Variants in A2M observed in about 807,000 individuals in gnomAD.
A2M encodes the protein C3 and PZP-like alpha-2-macroglobulin domain-containing protein 5.
A neutral mutation model predicts 183.9 loss-of-function variants in A2M; 128 were observed. The observed-to-expected ratio is 0.70, with a 90% CI of 0.60 to 0.81. The LOEUF (loss-of-function observed/expected upper bound fraction) is 0.81. Among genes scored for constraint, A2M ranks in the 30% least tolerant of loss-of-function variants. The pLI, the probability that A2M is intolerant of heterozygous loss-of-function variation, is 0.00. For synonymous variants in A2M, 592 were observed against 670.8 expected (o/e 0.88, Z 1.81); for missense variants, 1,495 against 1,787.6 (o/e 0.84, Z 2.95).
chr12:9,068,775 G>C lies in A2M; in HGVS notation c.4331C>G (p.Pro1444Arg). 6.2e-7 allele frequency: 1 copy of C among 1,608,842 alleles called. No homozygotes were observed. The highest frequency in any genetic ancestry group is 1.1e-5 in the South Asian group (1 of 89,492). ...LQDVPVRDLKPAIVKVYDYYE... is the reference protein window; with the variant it reads ...LQDVPVRDLKRAIVKVYDYYE... ...GTAATCATAGACTTTCACTATGGCTGGTTTCAGATCTCTTACTGGGACATC... is the reference window on the plus strand; with the variant it reads ...GTAATCATAGACTTTCACTATGGCTCGTTTCAGATCTCTTACTGGGACATC... The change falls in exon 34 of 36, where the codon CCA (proline) becomes CGA (arginine). Residue 1444 changes from proline (P) to arginine (R), a missense_variant. Coordinates refer to ENST00000318602, the MANE Select transcript of A2M (RefSeq NM_000014.6).
At chr12:9,099,253 C>A in intron 14 of A2M, 128 bp downstream of exon 14, 1 of 855,428 alleles carries the variant, frequency 1.2e-6, no homozygotes. Flanking sequence ...TCTGCCACTA[C>A]CTTGCTGAAT....
chr12:9,089,898 T>C lies in A2M; in HGVS notation c.2718+4A>G. ...TGGACTATATATTATTTAGGTTTACTTACTTCAACCAACAGAGGCTTGATG... is the reference window on the plus strand; with the variant it reads ...TGGACTATATATTATTTAGGTTTACCTACTTCAACCAACAGAGGCTTGATG... On this transcript the variant is annotated splice_donor_region_variant and intron_variant, in intron 21 of 35. Transcript: ENST00000318602. 6.2e-7 allele frequency: 1 copy of C among 1,606,954 alleles called. No individual in the cohort carries two copies. Among genetic ancestry groups the C allele is most frequent in the Admixed American group, 1.7e-5 (1 of 59,932 alleles).
intron 20 of A2M, 142 bp from the exon 21 acceptor site, chr12:9,090,165 G>T: frequency 1.5e-6 from 2 of 1,367,650 alleles, no homozygotes; most frequent in Non-Finnish European, 2.0e-6. Context: ...GCAAATGAGA[G>T]GTGAATGATA....
In A2M at chr12:9,112,420, G is replaced by A; in HGVS notation, c.387C>T (p.Val129=). 1 of 1,613,906 alleles carries A rather than the reference G, an allele frequency of 6.2e-7. No individual in the cohort carries two copies. Among genetic ancestry groups the A allele is most frequent in the South Asian group, 1.1e-5 (1 of 91,064 alleles). ...TVMVKNEDSL[V]FVQTDKSIYK... ...AGATTGATTTGTCTGTCTGGACAAA[G>A]ACCAGACTGTCCTCGTTCTTAACCA... The change falls in exon 3 of 36, where the codon GTC becomes GTT. Residue 129 remains valine (V), a synonymous_variant. Coordinates refer to ENST00000318602, the MANE Select transcript of A2M (RefSeq NM_000014.6).
At position 9,067,941 on chromosome 12, in the gene A2M, T is replaced by A. The variant is rs776321950; in HGVS notation, c.4409-102A>T. The A allele has an allele frequency of 2.7e-5, 32 of 1,179,374 alleles. No individual in the cohort carries two copies. The Admixed American group carries it at 5.1e-4, about 19-fold the overall frequency. 73.1% of individuals were successfully genotyped at this position (1,179,374 alleles called of 1,614,324 possible). On this transcript the variant is annotated intron_variant, in intron 35 of 35. Transcript: ENST00000318602. ...GGGTAGCATAGTGCCCAAGGAAACC[T>A]AATCAGTACAGTGGGAAACCAAATC...
At position 9,068,820 on chromosome 12, in the gene A2M, A is replaced by G; in HGVS notation, c.4286T>C (p.Leu1429Ser). ...LDKVSNQTLSLFFTVLQDVPV... is the reference protein window; with the variant it reads ...LDKVSNQTLSSFFTVLQDVPV... ...GACATCTTGCAGAACCGTGAAGAACAAGCTCAGTGTCTGATTTGACACCTG... is the reference window on the plus strand; with the variant it reads ...GACATCTTGCAGAACCGTGAAGAACGAGCTCAGTGTCTGATTTGACACCTG... Residue 1429 changes from leucine to serine, a missense_variant, in exon 34 of 36, where the codon TTG becomes TCG. Leu to Ser is a moderately radical substitution (Grantham distance 145, BLOSUM62 -2). Coordinates refer to ENST00000318602, the MANE Select transcript of A2M (RefSeq NM_000014.6). 5 of 1,604,608 alleles carry G rather than the reference A, an allele frequency of 3.1e-6. No individual in the cohort carries two copies. Among genetic ancestry groups the G allele is most frequent in the Non-Finnish European group, 4.3e-6 (5 of 1,175,934 alleles).
At chr12:9,111,885 A>C (rs1031747725) in intron 4 of A2M, 20 of 509,422 alleles carry the variant, frequency 3.9e-5, no homozygotes, top group African/African-American at 3.4e-4. Flanking sequence ...TCTGCTATTG[A>C]ATGTATCTTT....
At chr12:9,083,401 T>C (rs1171862403) in intron 22 of A2M, among the ~76,000 whole-genome samples, 2 of 148,924 alleles carry the variant, frequency 1.3e-5, no homozygotes, top group Non-Finnish European at 3.0e-5. Context: ...AAAAAAGAAA[T>C]AGAAACAATT....
At chr12:9,091,019 AG>A (rs1446592664) in intron 19 of A2M, among the ~76,000 whole-genome samples, 181 bp downstream of exon 19, 5 of 152,204 alleles carry the variant, frequency 3.3e-5, no homozygotes, top group African/African-American at 1.2e-4. Context: ...AAGGGTTATA[AG>A]GGCTAGAAAC....
chr12:9,090,316 T>G, intron 20 of A2M, 40 bp downstream of exon 20: 2 of 1,613,534 alleles, frequency 1.2e-6, no homozygotes, highest in South Asian at 2.2e-5. Flanking sequence ...CCATATACAA[T>G]CTTTGAGTAG....
chr12:9,103,572 C>G (rs1938056427), intron 11 of A2M, among the ~76,000 whole-genome samples: 2 of 152,170 alleles, frequency 1.3e-5, no homozygotes, highest in Non-Finnish European at 2.9e-5. Context: ...CCCCATTTCT[C>G]TCTTTCCCTA....
At chr12:9,113,696 A>G (rs1010289012) in intron 1 of A2M, among the ~76,000 whole-genome samples, 153 bp from the exon 2 acceptor site, 2 of 152,250 alleles carry the variant, frequency 1.3e-5, no homozygotes, top group East Asian at 1.9e-4. Flanking sequence ...AAGGCCATGC[A>G]TAAGAATTAT....
At chr12:9,076,639 A>G in intron 28 of A2M, 117 bp downstream of exon 28, 1 of 872,464 alleles carries the variant, frequency 1.1e-6, no homozygotes, top group Non-Finnish European at 1.8e-6. Context: ...AATATATATG[A>G]TATATAGAAA....
Position 9,108,457 on chromosome 12 carries a change from C to T in A2M, c.759-813G>A, listed in dbSNP as rs753444734. Among the ~76,000 whole-genome samples, 139 of 152,274 alleles carry T rather than the reference C, an allele frequency of 9.1e-4. 1 individual carries two copies. The highest frequency in any genetic ancestry group is 3.1e-3 in the African/African-American group (129 of 41,546). On this transcript the variant is annotated intron_variant, in intron 7 of 35. Coordinates refer to ENST00000318602, the MANE Select transcript of A2M (RefSeq NM_000014.6). ...CTTTTTTACAAAAGTGGGATTGTGT[C>T]GTAAATATGTCATAGACAATTGCTG... is the stretch of plus-strand genomic sequence containing the variant.
At position 9,077,854 on chromosome 12, in the gene A2M, G is replaced by A. The variant is rs1447796547; in HGVS notation, c.3123C>T (p.Leu1041=). The A allele has an allele frequency of 1.9e-6, 3 of 1,614,118 alleles. No homozygotes were observed. The highest frequency in any genetic ancestry group is 8.5e-7 in the Non-Finnish European group (1 of 1,179,992). ...RYGRNQGNTW[L]TAFVLKTFAQ... ...CAAAAGTCTTCAGAACAAAGGCTGT[G>A]AGCCTGACCAGGGAGGAAGCAATCA... The change falls in exon 26 of 36, where the codon CTC becomes CTT. Residue 1041 remains leucine (L), a synonymous_variant. Transcript: ENST00000318602.
chr12:9,077,309 G>C (rs924151876), intron 27 of A2M, 37 bp downstream of exon 27: 1 of 1,572,626 alleles, frequency 6.4e-7, no homozygotes, highest in East Asian at 2.2e-5. Context: ...ATTGCATCCA[G>C]AACTCTCCTT....
At chr12:9,096,001 C>T (rs1180200407) in intron 15 of A2M, among the ~76,000 whole-genome samples, 2 of 151,798 alleles carry the variant, frequency 1.3e-5, no homozygotes, top group Admixed American at 6.6e-5. Context: ...CCTCATGATC[C>T]ACCCGCCTCG....
At chr12:9,092,299 A>C (rs1359429642) in intron 18 of A2M, among the ~76,000 whole-genome samples, 1 of 152,116 alleles carries the variant, frequency 6.6e-6, no homozygotes, top group Admixed American at 6.5e-5. Flanking sequence ...CTGGCTCCTA[A>C]ATCACCTAGC....
At chr12:9,079,155 C>T (rs757851755) in intron 25 of A2M, 89 bp downstream of exon 25, 8 of 991,086 alleles carry the variant, frequency 8.1e-6, no homozygotes, top group Non-Finnish European at 1.2e-5. Flanking sequence ...TAATACATAT[C>T]TGATAGTGTT....
Sources: gnomAD v4.1 joint callset for allele counts (sites outside exome capture counted in the v4.1 genomes callset) on GRCh38, gnomAD v4.1.1 for gene constraint, MANE v1.5 for transcripts, NCBI Gene and HGNC (gene_info 2026-07-23, HGNC 2026-07-21) for gene names.